The following UGGT1 variants were observed in gnomAD, a reference collection of about 807,000 sequenced individuals.
UGGT1 encodes the protein UDP-glucose glycoprotein glucosyltransferase 1.
UGGT1 carries 107 observed loss-of-function variants against 203.9 expected under a neutral mutation model. The observed-to-expected ratio is 0.52, with a 90% CI of 0.45 to 0.62. The LOEUF is 0.62. UGGT1 is among the 20% of genes least tolerant of loss of function. The pLI is 0.00. For synonymous variants in UGGT1, 628 were observed against 653.5 expected (o/e 0.96, Z 0.59); for missense variants, 1,673 against 1,867.2 (o/e 0.90, Z 1.92).
intron 14 of UGGT1, among the ~76,000 whole-genome samples, chr2:128,133,888 T>C (rs1405630467): frequency 6.7e-6 from 1 of 149,510 alleles, no homozygotes; most frequent in Non-Finnish European, 1.5e-5. Flanking sequence ...AGAGAGAGGG[T>C]TCTTCATTGG....
intron 19 of UGGT1, among the ~76,000 whole-genome samples, chr2:128,155,156 A>G (rs982930094): frequency 1.3e-5 from 2 of 152,218 alleles, no homozygotes; most frequent in Admixed American, 1.3e-4. Context: ...GGACTAGGGA[A>G]GGGAGAAATG....
chr2:128,114,035 T>C (rs1294533520), intron 6 of UGGT1, among the ~76,000 whole-genome samples: 2 of 152,202 alleles, frequency 1.3e-5, no homozygotes, highest in Non-Finnish European at 2.9e-5. Context: ...AATATTTATA[T>C]GTAAAGGTTG....
chr2:128,102,407 G>A (rs1687419781), intron 2 of UGGT1, among the ~76,000 whole-genome samples: 4 of 152,162 alleles, frequency 2.6e-5, no homozygotes, highest in Admixed American at 2.6e-4. Context: ...GCCTCCCAAA[G>A]TGCTGGGATT....
chr2:128,149,461 G>A lies in UGGT1; in HGVS notation c.2017-3323G>A, dbSNP rs1280091614. ...AGATTGAGACCATCCTGGCTAACAC[G>A]GTGAAACCCTGTCTCTACTAAAAAC... On this transcript the variant is annotated intron_variant, in intron 18 of 40. Transcript: ENST00000259253. 6.0e-5 allele frequency among the ~76,000 whole-genome samples: 9 copies of A among 150,376 alleles called. 1 individual carries two copies. In the South Asian group the frequency reaches 1.3e-3, roughly 21 times the overall value.
At chr2:128,179,919 C>T in intron 35 of UGGT1, 49 bp downstream of exon 35, 4 of 1,536,824 alleles carry the variant, frequency 2.6e-6, no homozygotes, top group South Asian at 1.1e-5. Context: ...GAGATATTTA[C>T]TGTATATTTT....
intron 12 of UGGT1, 107 bp downstream of exon 12, chr2:128,127,559 T>C: frequency 2.4e-6 from 2 of 837,982 alleles, no homozygotes; most frequent in Non-Finnish European, 3.8e-6. Flanking sequence ...CAAAGTCTGA[T>C]GGCTTACCAG....
chr2:128,106,137 T>C (rs1026886490), intron 3 of UGGT1, among the ~76,000 whole-genome samples: 4 of 148,874 alleles, frequency 2.7e-5, no homozygotes, highest in East Asian at 2.0e-4. Context: ...TTTGGAGATA[T>C]AGATATGTAA....
rs77292240 is a variant in UGGT1 at position 128,157,252 on chromosome 2, A to G, written c.2261A>G (p.Asp754Gly). The change falls in exon 22 of 41, where the codon GAT becomes GGT. Residue 754 changes from aspartate to glycine, a missense_variant and splice_region_variant. Around this residue, in one of 4 missense-constraint regions of UGGT1, gnomAD observed 1,073 missense variants for 1,078.7 expected, o/e 0.99. Coordinates refer to ENST00000259253, the MANE Select transcript of UGGT1 (RefSeq NM_020120.4). ...ATTAGCTGTTTTTGTTTTTCTACAGATGATTCTTTTATTAGGCCAGTAACT... is the reference window on the plus strand; with the variant it reads ...ATTAGCTGTTTTTGTTTTTCTACAGGTGATTCTTTTATTAGGCCAGTAACT... ...KKGMSSKEIY[D>G]DSFIRPVTFW... The G allele has an allele frequency of 6.2e-7, 1 of 1,613,162 alleles. No homozygotes were observed. Among genetic ancestry groups the G allele is most frequent in the Non-Finnish European group, 8.5e-7 (1 of 1,179,254 alleles).
rs780531256 is a variant in UGGT1 at position 128,160,528 on chromosome 2, C to T, written c.2631C>T (p.Ala877=). ...SSKMDFILSH[A]VYCRDVLKLK... ...AAATGGATTTCATTTTGTCTCATGC[C>T]GTGTACTGCAGGGATGTTCTGAAGC... The change falls in exon 24 of 41, where the codon GCC becomes GCT. Residue 877 remains alanine (A), a synonymous_variant. Transcript: ENST00000259253. 4.6e-5 allele frequency: 74 copies of T among 1,613,028 alleles called. No homozygotes were observed. The highest frequency in any genetic ancestry group is 6.7e-5 in the Admixed American group (4 of 59,722).
At chr2:128,175,045 G>T (rs1298272944) in intron 31 of UGGT1, among the ~76,000 whole-genome samples, 187 bp downstream of exon 31, 1 of 152,188 alleles carries the variant, frequency 6.6e-6, no homozygotes, top group African/African-American at 2.4e-5. Flanking sequence ...GATAATAAGA[G>T]GTATAGATGC....
At chr2:128,096,112 T>C (rs1358133799) in intron 1 of UGGT1, among the ~76,000 whole-genome samples, 1 of 152,186 alleles carries the variant, frequency 6.6e-6, no homozygotes, top group Non-Finnish European at 1.5e-5. Flanking sequence ...CTGGATGCTG[T>C]CTGAGAGGAT....
intron 1 of UGGT1, among the ~76,000 whole-genome samples, chr2:128,092,305 T>G (rs1686903129): frequency 7.8e-6 from 1 of 127,532 alleles, no homozygotes. Context: ...TAGCTGAAGC[T>G]TATTTTAAAA....
intron 2 of UGGT1, among the ~76,000 whole-genome samples, chr2:128,100,733 T>C (rs1229347697): frequency 6.6e-6 from 1 of 152,316 alleles, no homozygotes; most frequent in Non-Finnish European, 1.5e-5. Flanking sequence ...CTGTTTAACA[T>C]TCTTACCCTG....
rs894190362 is a variant in UGGT1 at position 128,091,207 on chromosome 2, C to T, written c.-151C>T. 6.0e-6 allele frequency: 5 copies of T among 840,250 alleles called. No individual in the cohort carries two copies. In the African/African-American group the frequency reaches 9.1e-5, roughly 15 times the overall value. 52.0% of individuals were successfully genotyped at this position (840,250 alleles called of 1,614,324 possible). ...AGTAAAAGGGCGGCCGGCAGCTGGGCAATTGCTTTGCGAGGCTGGGTGTTG... is the reference window on the plus strand; with the variant it reads ...AGTAAAAGGGCGGCCGGCAGCTGGGTAATTGCTTTGCGAGGCTGGGTGTTG... On this transcript the variant is annotated 5_prime_UTR_variant, in exon 1 of 41. Coordinates refer to ENST00000259253, the MANE Select transcript of UGGT1 (RefSeq NM_020120.4).
intron 8 of UGGT1, 31 bp from the exon 9 acceptor site, chr2:128,120,325 T>C (rs1688317386): frequency 6.3e-7 from 1 of 1,586,034 alleles, no homozygotes; most frequent in African/African-American, 1.4e-5. Flanking sequence ...GAAAAAATAA[T>C]GAAAAGGACT....
chr2:128,110,146 G>A (rs765240645), intron 5 of UGGT1, among the ~76,000 whole-genome samples: 5 of 152,130 alleles, frequency 3.3e-5, no homozygotes, highest in Non-Finnish European at 5.9e-5. Context: ...GACAAAGGAG[G>A]ATATTTGAAA....
rs992169492 is a variant in UGGT1, at chr2:128,151,057, G to T, written c.2017-1727G>T. On this transcript the variant is annotated intron_variant, in intron 18 of 40. Coordinates refer to ENST00000259253, the MANE Select transcript of UGGT1 (RefSeq NM_020120.4). ...GTAGAGACAGGGTTTTGCCATTTTG[G>T]CTAGGCTGGTCTTGAACTCCTGACC... 10 of 226,450 alleles carry T rather than the reference G, an allele frequency of 4.4e-5. 1 individual carries two copies. The highest frequency in any genetic ancestry group is 1.6e-3 in the Middle Eastern group (1 of 612). The allele number at this position is 226,450 out of a possible 1,614,324, so 14.0% of individuals were successfully genotyped here.
chr2:128,186,819 C>G lies in UGGT1; in HGVS notation c.4476+20C>G. ...GATTTGGTAAGCCGTATGTGGTGTG[C>G]TTCTGCATGTTCATCCACTGGATGT... On this transcript the variant is annotated intron_variant, in intron 39 of 40. Coordinates refer to ENST00000259253, the MANE Select transcript of UGGT1 (RefSeq NM_020120.4). 6.4e-7 allele frequency: 1 copy of G among 1,564,254 alleles called. No homozygotes were observed. The highest frequency in any genetic ancestry group is 1.7e-5 in the Admixed American group (1 of 57,726).
chr2:128,100,178 C>T (rs924978301), intron 2 of UGGT1, among the ~76,000 whole-genome samples: 7 of 151,408 alleles, frequency 4.6e-5, no homozygotes, highest in Admixed American at 2.6e-4. Flanking sequence ...CTGGGATTAC[C>T]GGCGTGTGCC....
Sources: gnomAD v4.1 joint callset for allele counts (sites outside exome capture counted in the v4.1 genomes callset) on GRCh38, gnomAD v4.1.1 for gene constraint, gnomAD v4.1.1 regional missense constraint, MANE v1.5 for transcripts, NCBI Gene and HGNC (gene_info 2026-07-23, HGNC 2026-07-21) for gene names.